Variants in B4GALNT4 observed in about 807,000 individuals in gnomAD.
B4GALNT4 encodes beta-1,4-N-acetyl-galactosaminyltransferase 4.
B4GALNT4 carries 77 observed loss-of-function variants against 110.0 expected under a neutral mutation model. The ratio of observed to expected loss-of-function variants is 0.70; its 90% CI spans 0.58 to 0.85. B4GALNT4 has a LOEUF of 0.85. B4GALNT4 is among the 40% of genes least tolerant of loss of function. The pLI, the probability that B4GALNT4 is intolerant of heterozygous loss-of-function variation, is 0.00. For missense variants in B4GALNT4, 1,575 were observed against 1,506.0 expected, an observed-to-expected ratio of 1.05 and a Z score of -0.76; for synonymous variants, 785 against 655.5, an observed-to-expected ratio of 1.20 and a Z score of -3.02.
chr11:376,478 C>T lies in B4GALNT4; in HGVS notation c.1355C>T (p.Ala452Val), dbSNP rs200391187. 13 of 1,589,004 alleles carry T rather than the reference C, an allele frequency of 8.2e-6. No individual in the cohort carries two copies. In the Admixed American group the frequency reaches 1.5e-4, roughly 19 times the overall value. The change falls in exon 14 of 20, where the codon GCG (alanine) becomes GTG (valine). Residue 452 changes from alanine to valine, a missense_variant. Coordinates refer to ENST00000329962, the MANE Select transcript of B4GALNT4 (RefSeq NM_178537.5). ...CTCGACAGCCTGGAGCCCACCGAGG[C>T]GGCCCCGCCCAGGAGCGGCCCCCAG... Reference protein sequence around the residue: ...ELLDSLEPTEAAPPRSGPQSP... With the variant: ...ELLDSLEPTEVAPPRSGPQSP...
chr11:371,397 T>C (rs1428531834), intron 1 of B4GALNT4, among the ~76,000 whole-genome samples: 1 of 152,122 alleles, frequency 6.6e-6, no homozygotes, highest in Non-Finnish European at 1.5e-5. Context: ...CCTCTCCACT[T>C]CCTGGACCTC....
chr11:372,300 C>A, intron 2 of B4GALNT4, 88 bp downstream of exon 2: 1 of 1,226,998 alleles, frequency 8.1e-7, no homozygotes, highest in Non-Finnish European at 1.2e-6. Context: ...CCTGTCCATT[C>A]TGGAGGACGC....
intron 5 of B4GALNT4, 33 bp from the exon 6 acceptor site, chr11:373,158 C>T: frequency 6.2e-7 from 1 of 1,612,310 alleles, no homozygotes; most frequent in Non-Finnish European, 8.5e-7. Flanking sequence ...TGCCGTGAGG[C>T]TCCACCCCCC....
chr11:377,080 G>A lies in B4GALNT4; in HGVS notation c.1957G>A (p.Gly653Arg), dbSNP rs1472030541. The A allele has an allele frequency of 2.1e-6, 3 of 1,446,046 alleles. No individual in the cohort carries two copies. Among genetic ancestry groups the A allele is most frequent in the East Asian group, 5.4e-5 (2 of 36,704 alleles). The allele number at this position is 1,446,046 out of a possible 1,614,324, so 89.6% of individuals were successfully genotyped here. The part of the protein sequence containing the change: ...GEEEEEGEDD[G>R]APGDEAASED... ...AGAGGAGGAGGAAGGGGAGGACGAT[G>A]GGGCCCCGGGCGACGAGGCCGCGTC... is the stretch of plus-strand genomic sequence containing the variant. Residue 653 changes from glycine (G) to arginine (R), a missense_variant, in exon 14 of 20, where the codon GGG (glycine) becomes AGG (arginine). By Grantham distance (125) the Gly-to-Arg change is moderately radical. Transcript: ENST00000329962.
Position 382,107 on chromosome 11 carries a change from T to G in B4GALNT4, c.*315T>G, listed in dbSNP as rs1432478108. 1 of 219,602 alleles carries G rather than the reference T, an allele frequency of 4.6e-6. No individual in the cohort carries two copies. Among genetic ancestry groups the G allele is most frequent in the African/African-American group, 2.3e-5 (1 of 42,776 alleles). The allele number at this position is 219,602 out of a possible 1,614,324, so 13.6% of individuals were successfully genotyped here. A position where few individuals can be genotyped will look rare whatever the true frequency, so the allele number is the denominator to read the frequency against. On this transcript the variant is annotated 3_prime_UTR_variant, in exon 20 of 20. Transcript: ENST00000329962. ...ATTCAGAATGAAATGAAATATTTTTTTTAGTTCTGACTAGTCCTCTGTGCC... is the reference window on the plus strand; with the variant it reads ...ATTCAGAATGAAATGAAATATTTTTGTTAGTTCTGACTAGTCCTCTGTGCC...
chr11:379,556 G>C lies in B4GALNT4; in HGVS notation c.2343G>C (p.Leu781=), dbSNP rs762026272. 1 of 1,587,722 alleles carries C rather than the reference G, an allele frequency of 6.3e-7. No homozygotes were observed. The highest frequency in any genetic ancestry group is 1.8e-5 in the Admixed American group (1 of 56,608). The part of the protein sequence containing the change: ...LRLSEYVFLR[L]PGARVGDADG... ...TGTCCGAGTACGTCTTCCTGCGGCT[G>C]CCGGGAGCCCGCGTAGGGGATGCAG... The change falls in exon 15 of 20, where the codon CTG becomes CTC. Residue 781 remains leucine (L), a synonymous_variant. Coordinates refer to ENST00000329962, the MANE Select transcript of B4GALNT4 (RefSeq NM_178537.5).
chr11:377,130 C>T lies in B4GALNT4; in HGVS notation c.2007C>T (p.Gly669=), dbSNP rs1846773983. The change falls in exon 14 of 20, where the codon GGC becomes GGT. Residue 669 remains glycine, a synonymous_variant. Coordinates refer to ENST00000329962, the MANE Select transcript of B4GALNT4 (RefSeq NM_178537.5). ...CGGAGGACAGCGAGGAGGCCGCGGGCCCGGCGCTCGGACGCTGGCGTGAGG... is the reference window on the plus strand; with the variant it reads ...CGGAGGACAGCGAGGAGGCCGCGGGTCCGGCGCTCGGACGCTGGCGTGAGG... The part of the protein sequence containing the change: ...AASEDSEEAA[G]PALGRWREDA... The T allele has an allele frequency of 6.6e-7, 1 of 1,510,084 alleles. No homozygotes were observed. Among genetic ancestry groups the T allele is most frequent in the East Asian group, 2.6e-5 (1 of 38,468 alleles). The allele number at this position is 1,510,084 out of a possible 1,614,324, so 93.5% of individuals were successfully genotyped here.
At chr11:380,587 T>TC (rs1203374922) in intron 18 of B4GALNT4, 142 bp downstream of exon 18, 14 of 1,324,714 alleles carry the variant, frequency 1.1e-5, no homozygotes, top group Middle Eastern at 3.6e-4. Context: ...AGAGCCCCAG[T>TC]CCCCCCGCAC....
In B4GALNT4 at chr11:376,484, C is replaced by G; in HGVS notation, c.1361C>G (p.Pro454Arg). 3 of 1,578,098 alleles carry G rather than the reference C, an allele frequency of 1.9e-6. No individual in the cohort carries two copies. Among genetic ancestry groups the G allele is most frequent in the Non-Finnish European group, 2.6e-6 (3 of 1,170,694 alleles). The change falls in exon 14 of 20, where the codon CCG (proline) becomes CGG (arginine). Residue 454 changes from proline to arginine, a missense_variant. Physicochemically the swap from Pro to Arg is moderately radical, Grantham distance 103. Transcript: ENST00000329962. ...AGCCTGGAGCCCACCGAGGCGGCCC[C>G]GCCCAGGAGCGGCCCCCAGTCCCCC... ...LDSLEPTEAA[P>R]PRSGPQSPAP...
intron 3 of B4GALNT4, 35 bp from the exon 4 acceptor site, chr11:372,817 G>T: frequency 1.3e-6 from 2 of 1,548,748 alleles, no homozygotes; most frequent in Non-Finnish European, 8.7e-7. Flanking sequence ...GGGGGGCGGC[G>T]GGCCGTGCAG....
In B4GALNT4 at chr11:376,601, C is replaced by G. The variant is rs1241600725; in HGVS notation, c.1478C>G (p.Ala493Gly). ...GGGGGGACCCCCAGGCACTCCCGGG[C>G]CCTGAGCTGGGCCGCCAGGGCCGCC... Reference protein sequence around the residue: ...RDGGTPRHSRALSWAARAARP... With the variant: ...RDGGTPRHSRGLSWAARAARP... The change falls in exon 14 of 20, where the codon GCC becomes GGC. Residue 493 changes from alanine (A) to glycine (G), a missense_variant. By Grantham distance (60) the Ala-to-Gly change is moderately conservative. Coordinates refer to ENST00000329962, the MANE Select transcript of B4GALNT4 (RefSeq NM_178537.5). The G allele has an allele frequency of 1.9e-5, 27 of 1,388,816 alleles. No individual in the cohort carries two copies. Among genetic ancestry groups the G allele is most frequent in the Non-Finnish European group, 2.2e-5 (24 of 1,075,298 alleles). 86.0% of individuals were successfully genotyped at this position (1,388,816 alleles called of 1,614,324 possible). A position where few individuals can be genotyped will look rare whatever the true frequency, so the allele number is the denominator to read the frequency against.
rs1303554296 is a variant in B4GALNT4, at chr11:376,836, AC to A, written c.1717del (p.Arg573GlyfsTer53). 1.5e-6 allele frequency: 2 copies of A among 1,329,092 alleles called. No individual in the cohort carries two copies. Among genetic ancestry groups the A allele is most frequent in the Non-Finnish European group, 1.9e-6 (2 of 1,039,798 alleles). 82.3% of individuals were successfully genotyped at this position (1,329,092 alleles called of 1,614,324 possible). On this transcript the variant is annotated frameshift_variant, in exon 14 of 20. Transcript: ENST00000329962. LOFTEE classifies it high-confidence loss of function. The stretch of plus-strand genomic sequence containing the variant: ...TGCAGCTGCGGGCGCCCCCACGCCC[AC>A]CCCGGCCCCACGGCCGCAGGACCGG... ...RVQLRAPPRPPRPHGRRTGGP... is the reference protein window; with the variant it reads ...RVQLRAPPRPXRPHGRRTGGP...
At position 380,210 on chromosome 11, in the gene B4GALNT4, G is replaced by A. The variant is rs780945913; in HGVS notation, c.2715+8G>A. 1 of 1,603,436 alleles carries A rather than the reference G, an allele frequency of 6.2e-7. No homozygotes were observed. On this transcript the variant is annotated splice_region_variant and intron_variant, in intron 17 of 19. Transcript: ENST00000329962. ...GGAGTGGACGCGGTAGAGGTCCGAG[G>A]GCCCCATGGGGGTCGGGGAGCAAAA...
rs963071590 is a variant in B4GALNT4, at chr11:379,280, G to C, written c.2205-138G>C. ...GACCTGCCTGCTGGGCCAACCTGGA[G>C]GGGCAGGTGCTGTGCCGCGGAGCCC... On this transcript the variant is annotated intron_variant, in intron 14 of 19. Transcript: ENST00000329962. The C allele has an allele frequency of 1.4e-4, 136 of 960,534 alleles. 1 individual carries two copies. In the East Asian group the frequency reaches 3.3e-3, roughly 23 times the overall value. 59.5% of individuals were successfully genotyped at this position (960,534 alleles called of 1,614,324 possible).
Position 373,439 on chromosome 11 carries a change from C to A in B4GALNT4, c.637-10C>A. 1.4e-6 allele frequency: 2 copies of A among 1,462,604 alleles called. No individual in the cohort carries two copies. Among genetic ancestry groups the A allele is most frequent in the Non-Finnish European group, 1.9e-6 (2 of 1,059,820 alleles). 90.6% of individuals were successfully genotyped at this position (1,462,604 alleles called of 1,614,324 possible). The stretch of plus-strand genomic sequence containing the variant: ...CCCCCCACCACCACCCCTGCTCTAT[C>A]ACCCCCCAGACTGGCTCCGAGTGGA... On this transcript the variant is annotated splice_polypyrimidine_tract_variant and intron_variant, in intron 6 of 19. Coordinates refer to ENST00000329962, the MANE Select transcript of B4GALNT4 (RefSeq NM_178537.5).
At chr11:374,087 C>G (rs144724187) in intron 8 of B4GALNT4, among the ~76,000 whole-genome samples, 1 of 151,166 alleles carries the variant, frequency 6.6e-6, no homozygotes, top group African/African-American at 2.4e-5. Flanking sequence ...GTGGGGTGTA[C>G]GGCGGATGAA....
chr11:377,033 C>T lies in B4GALNT4; in HGVS notation c.1910C>T (p.Pro637Leu), dbSNP rs1337579036. ...SFLSLSQVSG[P>L]QLPGEGEEEE... Reference sequence around the variant, plus strand: ...CTGAGCTTGTCCCAGGTGTCCGGGCCGCAGCTGCCCGGGGAGGGCGAAGAG... The same window carrying T: ...CTGAGCTTGTCCCAGGTGTCCGGGCTGCAGCTGCCCGGGGAGGGCGAAGAG... The change falls in exon 14 of 20, where the codon CCG becomes CTG. Residue 637 changes from proline to leucine, a missense_variant. Physicochemically the swap from Pro to Leu is moderately conservative, Grantham distance 98. Transcript: ENST00000329962. 4 of 1,438,260 alleles carry T rather than the reference C, an allele frequency of 2.8e-6. No homozygotes were observed. The highest frequency in any genetic ancestry group is 3.0e-5 in the African/African-American group (2 of 66,626). 89.1% of individuals were successfully genotyped at this position (1,438,260 alleles called of 1,614,324 possible).
At chr11:373,563 AG>A (rs780203515) in intron 7 of B4GALNT4, 47 bp downstream of exon 7, 16 of 1,592,992 alleles carry the variant, frequency 1.0e-5, no homozygotes, top group Admixed American at 1.7e-5. Context: ...TATTCGTGGG[AG>A]GGGGTTACGC....
chr11:374,314 T>G (rs1008259894), intron 8 of B4GALNT4, among the ~76,000 whole-genome samples: 1 of 151,770 alleles, frequency 6.6e-6, no homozygotes, highest in Non-Finnish European at 1.5e-5. Context: ...ACTGTGGCCT[T>G]TGGTCCTCAA....
Sources: gnomAD v4.1 joint callset for allele counts (sites outside exome capture counted in the v4.1 genomes callset) on GRCh38, gnomAD v4.1.1 for gene constraint, MANE v1.5 for transcripts, NCBI Gene and HGNC (gene_info 2026-07-23, HGNC 2026-07-21) for gene names.